CASQ2: variants seen among roughly 807,000 people sequenced by gnomAD.
CASQ2 encodes calsequestrin-2.
A neutral mutation model predicts 46.5 loss-of-function variants in CASQ2; 49 were observed. The observed-to-expected ratio is 1.05, with a 90% CI of 0.84 to 1.34. The LOEUF is 1.34. CASQ2 is among the 40% of genes most tolerant of loss of function. The probability of loss-of-function intolerance (pLI) is 0.00; values close to 1 mark genes in which losing one functional copy is unlikely to be tolerated. For missense variants in CASQ2, 486 were observed against 481.3 expected (o/e 1.01, Z -0.09); for synonymous variants, 174 against 168.5 (o/e 1.03, Z -0.25).
chr1:115,702,854 T>C, intron 10 of CASQ2, 67 bp downstream of exon 10: 1 of 1,210,394 alleles, frequency 8.3e-7, no homozygotes, highest in Non-Finnish European at 1.2e-6. Context: ...TCTCACAATC[T>C]AAGCTGTGTA....
chr1:115,766,945 T>TA (rs147105742), intron 1 of CASQ2, among the ~76,000 whole-genome samples: 15,535 of 150,956 alleles, frequency 0.1, 912 homozygotes, highest in South Asian at 0.24. Context: ...TATTTCTTTT[T>TA]TAAAAAAAAT....
At chr1:115,702,587 G>T (rs931280762) in intron 10 of CASQ2, among the ~76,000 whole-genome samples, 28 of 152,186 alleles carry the variant, frequency 1.8e-4, no homozygotes, top group Non-Finnish European at 3.5e-4. Context: ...CTCCTGGTGT[G>T]GGTTCCCTTT....
chr1:115,704,934 T>A (rs992672121), intron 9 of CASQ2, among the ~76,000 whole-genome samples: 12 of 152,218 alleles, frequency 7.9e-5, no homozygotes, highest in African/African-American at 2.9e-4. Flanking sequence ...CGAAGGAGTT[T>A]ACCCTGCTCA....
At chr1:115,704,818 T>C (rs1469895071) in intron 9 of CASQ2, among the ~76,000 whole-genome samples, 1 of 152,242 alleles carries the variant, frequency 6.6e-6, no homozygotes, top group African/African-American at 2.4e-5. Flanking sequence ...TGATTTTTAT[T>C]ACTTAGTAAT....
intron 3 of CASQ2, among the ~76,000 whole-genome samples, chr1:115,739,969 C>G (rs7544042): frequency 0.71 from 108,088 of 152,058 alleles, 42,137 homozygotes; most frequent in Non-Finnish European, 0.88. Flanking sequence ...AAGCACAGTG[C>G]GTCATGAGAT....
chr1:115,765,186 A>G (rs1437068508), intron 1 of CASQ2, among the ~76,000 whole-genome samples: 4 of 152,092 alleles, frequency 2.6e-5, no homozygotes, highest in Admixed American at 2.6e-4. Flanking sequence ...GTTTTCTTCC[A>G]TGTTCAGCTG....
intron 8 of CASQ2, among the ~76,000 whole-genome samples, chr1:115,716,034 A>G (rs1300536114): frequency 6.6e-5 from 10 of 152,198 alleles, no homozygotes. Context: ...TAGTGGAACC[A>G]TCTCTAGATC....
intron 8 of CASQ2, among the ~76,000 whole-genome samples, chr1:115,706,255 G>A (rs898966788): frequency 2.0e-5 from 3 of 152,256 alleles, no homozygotes; most frequent in East Asian, 3.9e-4. Context: ...GTGTGTCCAC[G>A]TACAGAATCT....
At chr1:115,754,599 A>C (rs1648694783) in intron 1 of CASQ2, among the ~76,000 whole-genome samples, 1 of 152,144 alleles carries the variant, frequency 6.6e-6, no homozygotes, top group Non-Finnish European at 1.5e-5. Context: ...TTGCCTGGGG[A>C]CACACAGAGC....
chr1:115,745,564 G>T (rs1250522402), intron 1 of CASQ2, among the ~76,000 whole-genome samples: 1 of 152,026 alleles, frequency 6.6e-6, no homozygotes, highest in Non-Finnish European at 1.5e-5. Flanking sequence ...CACCAGCATA[G>T]ATGATGACAT....
chr1:115,741,550 G>C (rs1313614169), intron 2 of CASQ2, among the ~76,000 whole-genome samples: 2 of 152,124 alleles, frequency 1.3e-5, no homozygotes, highest in Non-Finnish European at 2.9e-5. Flanking sequence ...TTGTCTTCTT[G>C]GTATCCCAGA....
chr1:115,714,696 A>C (rs1281825257), intron 8 of CASQ2, among the ~76,000 whole-genome samples: 1 of 152,176 alleles, frequency 6.6e-6, no homozygotes, highest in Non-Finnish European at 1.5e-5. Flanking sequence ...CTGCAGGTAA[A>C]TCACTGATTA....
At chr1:115,750,731 C>A (rs548482545) in intron 1 of CASQ2, among the ~76,000 whole-genome samples, 2 of 152,306 alleles carry the variant, frequency 1.3e-5, no homozygotes, top group Admixed American at 6.5e-5. Context: ...TAGTCTTGAG[C>A]TCCTGGGCTC....
chr1:115,717,035 A>G (rs1229261603), intron 8 of CASQ2, among the ~76,000 whole-genome samples: 3 of 152,140 alleles, frequency 2.0e-5, no homozygotes, highest in Non-Finnish European at 4.4e-5. Context: ...AGATCTGGTT[A>G]TATAAAAGTG....
At chr1:115,709,769 A>T (rs777697067) in intron 8 of CASQ2, among the ~76,000 whole-genome samples, 82 of 152,196 alleles carry the variant, frequency 5.4e-4, no homozygotes, top group Admixed American at 1.5e-3. Context: ...TTATCCTTGC[A>T]TCCAATTGAA....
At chr1:115,731,659 G>C (rs1356063541) in intron 5 of CASQ2, among the ~76,000 whole-genome samples, 2 of 152,192 alleles carry the variant, frequency 1.3e-5, no homozygotes, top group African/African-American at 4.8e-5. Flanking sequence ...ACAGAGCATT[G>C]ACTTTGAAGT....
chr1:115,738,141 C>A (rs962602935), intron 4 of CASQ2, 83 bp downstream of exon 4: 2 of 833,074 alleles, frequency 2.4e-6, no homozygotes, highest in African/African-American at 3.3e-5. Context: ...TGCTGAAGAC[C>A]CATCCTCTTT....
chr1:115,700,786 G>A lies in CASQ2; in HGVS notation c.*455C>T. On this transcript the variant is annotated 3_prime_UTR_variant, in exon 11 of 11. Transcript: ENST00000261448. ...AGGAGGGATCCCAACTGATGTTCGA[G>A]GTATGGAGGGAGCTAAATCATTAAT... 2.1e-6 allele frequency: 1 copy of A among 471,908 alleles called. No homozygotes were observed. Among genetic ancestry groups the A allele is most frequent in the Non-Finnish European group, 3.7e-6 (1 of 270,888 alleles). 29.2% of individuals were successfully genotyped at this position (471,908 alleles called of 1,614,324 possible). A position where few individuals can be genotyped will look rare whatever the true frequency, so the allele number is the denominator to read the frequency against.
At chr1:115,761,488 GAGAAGAAGGAGAAGAAGAAGAAGAAGAA>G (rs1648954103) in intron 1 of CASQ2, among the ~76,000 whole-genome samples, 1 of 13,142 alleles carries the variant, frequency 7.6e-5, no homozygotes, top group Non-Finnish European at 1.3e-4. Flanking sequence ...GAAGAAGAAG[GAGAAGAAGGAGAAGAAGAAGAAGAAGAA>G]GAAGAAGAAG....
Sources: gnomAD v4.1 joint callset for allele counts (sites outside exome capture counted in the v4.1 genomes callset) on GRCh38, gnomAD v4.1.1 for gene constraint, MANE v1.5 for transcripts, NCBI Gene and HGNC (gene_info 2026-07-23, HGNC 2026-07-21) for gene names.